The following ARB2A variants were observed in gnomAD, a reference collection of about 807,000 sequenced individuals.
ARB2A encodes the protein cotranscriptional regulator ARB2A.
the ARB2A span, chr5:94,053,100 GATAGATA>G: frequency 7.8e-7 from 1 of 1,281,818 alleles, no homozygotes; most frequent in East Asian, 2.4e-5. Context: ...TAGATAGATA[GATAGATA>G]GATAGATAAC....
chr5:93,848,307 C>G, the ARB2A span, among the ~76,000 whole-genome samples: 1 of 151,656 alleles, frequency 6.6e-6, no homozygotes, highest in East Asian at 1.9e-4. Context: ...CACTTGAACC[C>G]GGGAGGCGGA....
the ARB2A span, among the ~76,000 whole-genome samples, chr5:93,772,456 T>C: frequency 1.3e-5 from 2 of 151,942 alleles, no homozygotes; most frequent in Non-Finnish European, 2.9e-5. Context: ...TAAAGTATAA[T>C]AATAATAAAA....
At chr5:93,642,540 T>G in the ARB2A span, among the ~76,000 whole-genome samples, 1 of 152,050 alleles carries the variant, frequency 6.6e-6, no homozygotes, top group African/African-American at 2.4e-5. Flanking sequence ...CCTGGCTAAT[T>G]TTTTGTATTT....
chr5:93,799,662 A>G, the ARB2A span, among the ~76,000 whole-genome samples: 1 of 152,148 alleles, frequency 6.6e-6, no homozygotes, highest in Admixed American at 6.6e-5. Flanking sequence ...TTGCTTGTAC[A>G]TGGTTAGTAC....
the ARB2A span, among the ~76,000 whole-genome samples, chr5:93,639,578 A>G: frequency 6.6e-6 from 1 of 152,184 alleles, no homozygotes; most frequent in Non-Finnish European, 1.5e-5. Context: ...TTTAAAAGTA[A>G]ATAATATATT....
chr5:93,972,805 G>C, the ARB2A span, among the ~76,000 whole-genome samples: 1 of 151,956 alleles, frequency 6.6e-6, no homozygotes, highest in African/African-American at 2.4e-5. Context: ...GCTTGTTGTG[G>C]TGGCTCACGC....
chr5:93,790,795 T>A, the ARB2A span, among the ~76,000 whole-genome samples: 14 of 152,194 alleles, frequency 9.2e-5, no homozygotes, highest in African/African-American at 3.1e-4. Flanking sequence ...ACAGAGTATG[T>A]CCAGAGGAAG....
At chr5:93,902,432 C>CTATA in the ARB2A span, among the ~76,000 whole-genome samples, 1 of 152,026 alleles carries the variant, frequency 6.6e-6, no homozygotes, top group East Asian at 1.9e-4. Flanking sequence ...TTGTTCTACT[C>CTATA]TATAAAGGGT....
At chr5:94,014,164 C>T in the ARB2A span, among the ~76,000 whole-genome samples, 1 of 152,162 alleles carries the variant, frequency 6.6e-6, no homozygotes, top group Admixed American at 6.5e-5. Flanking sequence ...CCAAATGAGA[C>T]ACCGAATCAA....
the ARB2A span, among the ~76,000 whole-genome samples, chr5:93,827,235 C>G: frequency 2.0e-5 from 3 of 152,166 alleles, no homozygotes; most frequent in African/African-American, 7.2e-5. Flanking sequence ...GTTCCTATTT[C>G]TCCACATCCT....
At chr5:93,947,694 G>A in the ARB2A span, among the ~76,000 whole-genome samples, 5 of 116,820 alleles carry the variant, frequency 4.3e-5, no homozygotes, top group Admixed American at 1.2e-4. Context: ...AGTCCCCAGA[G>A]TGCGATGTTC....
the ARB2A span, among the ~76,000 whole-genome samples, chr5:94,050,463 C>A: frequency 6.6e-6 from 1 of 151,944 alleles, no homozygotes; most frequent in South Asian, 2.1e-4. Flanking sequence ...CCATGTTAGC[C>A]AGGCTGGTCT....
chr5:93,673,376 C>G, the ARB2A span, among the ~76,000 whole-genome samples: 4 of 151,752 alleles, frequency 2.6e-5, no homozygotes, highest in Non-Finnish European at 5.9e-5. Flanking sequence ...TTCTTTCTCT[C>G]TTCTCTTTTT....
the ARB2A span, among the ~76,000 whole-genome samples, chr5:93,979,974 T>C: frequency 5.9e-5 from 9 of 152,216 alleles, no homozygotes; most frequent in African/African-American, 2.2e-4. Context: ...TAACGCATCT[T>C]ACCTCCTTCA....
At chr5:93,770,036 T>C in the ARB2A span, among the ~76,000 whole-genome samples, 7 of 152,154 alleles carry the variant, frequency 4.6e-5, no homozygotes, top group Non-Finnish European at 7.4e-5. Context: ...CAAAGTCTAA[T>C]CAGTTAGTAG....
At chr5:93,798,895 T>G in the ARB2A span, among the ~76,000 whole-genome samples, 17 of 152,264 alleles carry the variant, frequency 1.1e-4, no homozygotes, top group African/African-American at 3.8e-4. Flanking sequence ...AAGTCTTGGG[T>G]TGACAGGCCA....
the ARB2A span, among the ~76,000 whole-genome samples, chr5:93,924,246 G>GTCT: frequency 6.6e-6 from 1 of 152,114 alleles, no homozygotes; most frequent in Non-Finnish European, 1.5e-5. Flanking sequence ...AAAAGGGTGT[G>GTCT]AAGAAGGGAG....
the ARB2A span, among the ~76,000 whole-genome samples, chr5:94,086,161 C>T: frequency 2.0e-5 from 3 of 152,058 alleles, no homozygotes; most frequent in Admixed American, 2.0e-4. Flanking sequence ...GATATGGAGG[C>T]CACTTTTATA....
the ARB2A span, among the ~76,000 whole-genome samples, chr5:93,995,962 CCTT>C: frequency 6.6e-6 from 1 of 151,990 alleles, no homozygotes; most frequent in African/African-American, 2.4e-5. Flanking sequence ...AAAATATGGC[CCTT>C]CTTCATTTTC....
Sources: gnomAD v4.1 joint callset for allele counts (sites outside exome capture counted in the v4.1 genomes callset) on GRCh38, gnomAD v4.1.1 for gene constraint, MANE v1.5 for transcripts, NCBI Gene and HGNC (gene_info 2026-07-23, HGNC 2026-07-21) for gene names.